TLE4: variants seen among roughly 807,000 people sequenced by gnomAD.
TLE4 encodes the protein TLE family member 4, transcriptional corepressor.
TLE4 carries 8 observed loss-of-function variants against 92.8 expected under a neutral mutation model. The ratio of observed to expected loss-of-function variants is 0.09; its 90% CI spans 0.05 to 0.16. The LOEUF is 0.16. TLE4 is among the 10% of genes least tolerant of loss of function. TLE4 has a pLI of 1.00. For missense variants in TLE4, 675 were observed against 997.6 expected (o/e 0.68, Z 4.36); for synonymous variants, 371 against 374.1 (o/e 0.99, Z 0.10).
In TLE4 at chr9:79,720,142, G is replaced by A; in HGVS notation, c.1687G>A (p.Ala563Thr). 6.2e-7 allele frequency: 1 copy of A among 1,614,154 alleles called. No individual in the cohort carries two copies. Among genetic ancestry groups the A allele is most frequent in the Non-Finnish European group, 8.5e-7 (1 of 1,180,024 alleles). ...EASTLSIWDL[A>T]APTPRIKAEL... ...CAGTACTTTGTCCATTTGGGACCTGGCGGCTCCAACCCCACGCATCAAGGC... is the reference window on the plus strand; with the variant it reads ...CAGTACTTTGTCCATTTGGGACCTGACGGCTCCAACCCCACGCATCAAGGC... The change falls in exon 16 of 20, where the codon GCG (alanine) becomes ACG (threonine). Residue 563 changes from alanine (A) to threonine (T), a missense_variant. Ala to Thr is a moderately conservative substitution (Grantham distance 58). Around this residue, in one of 5 missense-constraint regions of TLE4, gnomAD observed 170 missense variants for 359.6 expected, o/e 0.47. Coordinates refer to ENST00000376552, the MANE Select transcript of TLE4 (RefSeq NM_007005.6).
At chr9:79,671,041 T>C (rs1469821301) in intron 8 of TLE4, among the ~76,000 whole-genome samples, 1 of 131,878 alleles carries the variant, frequency 7.6e-6, no homozygotes, top group African/African-American at 2.5e-5. Context: ...AGGGAAATTA[T>C]TGAGATTAAA....
rs74305021 is a variant in TLE4, at chr9:79,596,138, G to A, written c.253-16518G>A. On this transcript the variant is annotated intron_variant, in intron 4 of 19. Transcript: ENST00000376552. ...TGGGATTACAGGCGTGAGGAACCGC[G>A]CCCGGCCGTTTAGTATCTACTTAAT... Among the ~76,000 whole-genome samples the A allele has an allele frequency of 1.2e-4, 18 of 152,182 alleles. No homozygotes were observed. In the East Asian group the frequency reaches 3.1e-3, roughly 26 times the overall value.
intron 6 of TLE4, chr9:79,627,772 C>T (rs1029332625): frequency 3.9e-6 from 1 of 257,884 alleles, no homozygotes; most frequent in Non-Finnish European, 7.5e-6. Context: ...ATTGCCCTGA[C>T]GTTAAAATGA....
At chr9:79,660,850 G>A (rs1460963398) in intron 8 of TLE4, among the ~76,000 whole-genome samples, 1 of 152,218 alleles carries the variant, frequency 6.6e-6, no homozygotes, top group Non-Finnish European at 1.5e-5. Flanking sequence ...GACTCGGGGA[G>A]ACACGCTTGT....
intron 8 of TLE4, among the ~76,000 whole-genome samples, chr9:79,662,011 G>A (rs372734314): frequency 3.9e-5 from 6 of 152,062 alleles, no homozygotes; most frequent in African/African-American, 1.2e-4. Context: ...GCTCACGTGC[G>A]GTCCACCTTT....
At chr9:79,639,255 TA>T (rs894010953) in intron 6 of TLE4, among the ~76,000 whole-genome samples, 3 of 151,986 alleles carry the variant, frequency 2.0e-5, no homozygotes, top group Admixed American at 6.6e-5. Flanking sequence ...AAAATTCCTT[TA>T]AAAAAAATTC....
At chr9:79,698,853 T>C (rs1207244382) in intron 8 of TLE4, among the ~76,000 whole-genome samples, 1 of 147,546 alleles carries the variant, frequency 6.8e-6, no homozygotes, top group Non-Finnish European at 1.5e-5. Context: ...AATTGAGGAT[T>C]ATTTCTTATA....
rs918583564 is a variant in TLE4, at chr9:79,572,282, C to G, written c.-509C>G. ...CTCCAGAGAAACCAAAAAGCACCGC[C>G]GAGACCTCTTCCGAACCAAAGGAGT... On this transcript the variant is annotated 5_prime_UTR_variant, in exon 1 of 20. Coordinates refer to ENST00000376552, the MANE Select transcript of TLE4 (RefSeq NM_007005.6). The G allele has an allele frequency of 1.1e-4, 17 of 152,116 alleles. No homozygotes were observed. Among genetic ancestry groups the G allele is most frequent in the African/African-American group, 4.1e-4 (17 of 41,446 alleles). 9.4% of individuals were successfully genotyped at this position (152,116 alleles called of 1,614,324 possible). A position where few individuals can be genotyped will look rare whatever the true frequency, so the allele number is the denominator to read the frequency against.
chr9:79,688,492 T>A (rs2066362902), intron 8 of TLE4, among the ~76,000 whole-genome samples: 1 of 152,052 alleles, frequency 6.6e-6, no homozygotes, highest in Non-Finnish European at 1.5e-5. Flanking sequence ...GATAGCATCT[T>A]TGGATATTTT....
intron 8 of TLE4, among the ~76,000 whole-genome samples, chr9:79,662,663 C>CTGGCAAGTGTT (rs1564733054): frequency 3.3e-5 from 5 of 152,024 alleles, no homozygotes; most frequent in Admixed American, 6.6e-5. Flanking sequence ...TTGCCTCCTT[C>CTGGCAAGTGTT]GATGTAAACA....
At chr9:79,698,045 A>G (rs1296235215) in intron 8 of TLE4, among the ~76,000 whole-genome samples, 1 of 152,198 alleles carries the variant, frequency 6.6e-6, no homozygotes, top group Admixed American at 6.5e-5. Context: ...ATAGCTGTCT[A>G]TGGGGGCTTA....
intron 6 of TLE4, among the ~76,000 whole-genome samples, chr9:79,647,881 C>T (rs146770579): frequency 1.3e-4 from 19 of 150,878 alleles, no homozygotes; most frequent in African/African-American, 3.9e-4. Context: ...TACTTTGAGC[C>T]GGGGTGATGA....
intron 14 of TLE4, among the ~76,000 whole-genome samples, chr9:79,712,554 T>G (rs1030808231): frequency 1.3e-5 from 2 of 152,220 alleles, no homozygotes; most frequent in African/African-American, 4.8e-5. Context: ...CCAGAAAGAC[T>G]TATAAAAGTT....
chr9:79,644,664 A>G (rs760293583), intron 6 of TLE4, among the ~76,000 whole-genome samples: 4 of 152,226 alleles, frequency 2.6e-5, no homozygotes, highest in Non-Finnish European at 5.9e-5. Flanking sequence ...AACTGTCCAT[A>G]GTAAATAGTG....
chr9:79,616,961 T>C (rs1422587174), intron 5 of TLE4, among the ~76,000 whole-genome samples: 2 of 152,322 alleles, frequency 1.3e-5, no homozygotes, highest in East Asian at 1.9e-4. Flanking sequence ...ACCTTTACAA[T>C]GTGTATTATA....
intron 6 of TLE4, among the ~76,000 whole-genome samples, chr9:79,632,701 T>G (rs1456741570): frequency 2.0e-5 from 3 of 152,236 alleles, no homozygotes; most frequent in African/African-American, 7.2e-5. Context: ...CTTGTTCTGC[T>G]TCTTGCAGCT....
intron 6 of TLE4, among the ~76,000 whole-genome samples, chr9:79,636,705 T>A (rs1015575566): frequency 6.6e-6 from 1 of 152,186 alleles, no homozygotes; most frequent in African/African-American, 2.4e-5. Context: ...TTAACCTGTT[T>A]TATTGTCGTC....
At chr9:79,646,086 T>TATA (rs201738149) in intron 6 of TLE4, among the ~76,000 whole-genome samples, 15 of 141,278 alleles carry the variant, frequency 1.1e-4, no homozygotes, top group African/African-American at 4.1e-4. Flanking sequence ...TATATATATA[T>TATA]TTTTTTTAAC....
intron 4 of TLE4, among the ~76,000 whole-genome samples, chr9:79,597,779 T>C (rs2044389294): frequency 6.6e-6 from 1 of 152,202 alleles, no homozygotes; most frequent in Non-Finnish European, 1.5e-5. Flanking sequence ...AGCTATATGA[T>C]CATGGTAAAT....
Sources: gnomAD v4.1 joint callset for allele counts (sites outside exome capture counted in the v4.1 genomes callset) on GRCh38, gnomAD v4.1.1 for gene constraint, gnomAD v4.1.1 regional missense constraint, MANE v1.5 for transcripts, NCBI Gene and HGNC (gene_info 2026-07-23, HGNC 2026-07-21) for gene names.